Variants in NRXN1 observed in about 807,000 individuals in gnomAD.
NRXN1 encodes neurexin-1.
Under a neutral mutation model 150.9 loss-of-function variants are expected in NRXN1, and 39 were observed. The observed-to-expected ratio is 0.26, with a 90% confidence interval of 0.20 to 0.34. The LOEUF (loss-of-function observed/expected upper bound fraction) is 0.34. Among genes scored for constraint, NRXN1 ranks in the 10% least tolerant of loss-of-function variants. The pLI, the probability that NRXN1 is intolerant of heterozygous loss-of-function variation, is 1.00. For missense variants in NRXN1, 1,815 were observed against 1,949.9 expected (o/e 0.93, Z 1.30); for synonymous variants, 924 against 757.0 (o/e 1.22, Z -3.62).
At chr2:49,934,029 TC>T in intron 22 of NRXN1, among the ~76,000 whole-genome samples, 1 of 152,348 alleles carries the variant, frequency 6.6e-6, no homozygotes, top group South Asian at 2.1e-4. Context: ...TTTCTGTTTT[TC>T]TGTGAGACAT....
At chr2:50,255,695 GTCATTTTAAAAATTTTAAT>G (rs2067632141) in intron 17 of NRXN1, among the ~76,000 whole-genome samples, 1 of 152,026 alleles carries the variant, frequency 6.6e-6, no homozygotes, top group East Asian at 1.9e-4. Flanking sequence ...CAGTTCTAGG[GTCATTTTAAAAATTTTAAT>G]TCATTTTAAA....
chr2:50,862,238 G>T lies in NRXN1; in HGVS notation c.832+59631C>A, dbSNP rs141116129. Among the ~76,000 whole-genome samples the T allele has an allele frequency of 2.0e-5, 3 of 151,876 alleles. No homozygotes were observed. The East Asian group carries it at 5.9e-4, about 30-fold the overall frequency. On this transcript the variant is annotated intron_variant, in intron 5 of 22. Transcript: ENST00000401669. Reference sequence around the variant, plus strand: ...AAAAAAAATTCATGCTAGTATAGTAGGAATCAGTTGCAGAGTCAGGGAAGC... The same window carrying T: ...AAAAAAAATTCATGCTAGTATAGTATGAATCAGTTGCAGAGTCAGGGAAGC...
chr2:50,550,579 G>T (rs1253509677), intron 9 of NRXN1, among the ~76,000 whole-genome samples: 1 of 151,632 alleles, frequency 6.6e-6, no homozygotes, highest in Non-Finnish European at 1.5e-5. Context: ...GCTATCTCTG[G>T]CAGAGATAGG....
intron 2 of NRXN1, among the ~76,000 whole-genome samples, chr2:50,926,400 T>C (rs1686893592): frequency 6.6e-6 from 1 of 151,990 alleles, no homozygotes; most frequent in Non-Finnish European, 1.5e-5. Context: ...CTTAAAGATA[T>C]TCCAGTTCTA....
intron 21 of NRXN1, among the ~76,000 whole-genome samples, chr2:49,947,174 T>G (rs1439566691): frequency 2.0e-5 from 3 of 152,170 alleles, no homozygotes; most frequent in Non-Finnish European, 4.4e-5. Context: ...ATTCTCAATT[T>G]CAAATTAATT....
Position 50,941,065 on chromosome 2 carries a change from T to C in NRXN1, c.773-15110A>G, listed in dbSNP as rs536039255. ...TGCTGTTCTCATGATAGAATTCTTA[T>C]GGGATCTGGTTGTTGGATAAGTGTA... On this transcript the variant is annotated intron_variant, in intron 2 of 22. Coordinates refer to ENST00000401669, the MANE Select transcript of NRXN1 (RefSeq NM_001330078.2). Among the ~76,000 whole-genome samples the C allele has an allele frequency of 5.9e-5, 9 of 152,238 alleles. No homozygotes were observed. The South Asian group carries it at 6.2e-4, about 11-fold the overall frequency.
chr2:50,753,653 G>T, intron 5 of NRXN1, among the ~76,000 whole-genome samples: 1 of 151,838 alleles, frequency 6.6e-6, no homozygotes, highest in Middle Eastern at 3.4e-3. Context: ...GTTGATACAA[G>T]AAAAGATTAT....
intron 17 of NRXN1, among the ~76,000 whole-genome samples, chr2:50,260,772 C>T (rs1390864886): frequency 6.6e-6 from 1 of 150,862 alleles, no homozygotes; most frequent in Non-Finnish European, 1.5e-5. Context: ...AAGAACTAAA[C>T]CATAGCAGCT....
chr2:50,725,161 A>G (rs1697180768), intron 5 of NRXN1, among the ~76,000 whole-genome samples: 1 of 152,104 alleles, frequency 6.6e-6, no homozygotes, highest in Non-Finnish European at 1.5e-5. Context: ...GGTTTTCAAT[A>G]TTATCTCGAT....
chr2:50,077,985 T>C lies in NRXN1; in HGVS notation c.3718+13338A>G, dbSNP rs531591458. Among the ~76,000 whole-genome samples the C allele has an allele frequency of 1.2e-4, 18 of 152,230 alleles. No individual in the cohort carries two copies. In the South Asian group the frequency reaches 3.5e-3, roughly 30 times the overall value. ...AAACAGACTTTAAAATGTTTAAAAG[T>C]CTGTCTTTGAGAAATATTCTACCCA... On this transcript the variant is annotated intron_variant, in intron 19 of 22. Transcript: ENST00000401669.
chr2:50,695,375 A>G (rs1330266428), intron 5 of NRXN1, among the ~76,000 whole-genome samples: 1 of 152,202 alleles, frequency 6.6e-6, no homozygotes, highest in Non-Finnish European at 1.5e-5. Context: ...TATCAAGTTC[A>G]GATAAGGTGC....
intron 5 of NRXN1, among the ~76,000 whole-genome samples, chr2:50,647,211 C>G (rs549143257): frequency 2.4e-4 from 36 of 151,922 alleles, no homozygotes; most frequent in African/African-American, 8.7e-4. Context: ...CGGAAACTTA[C>G]AGATAGTAGG....
intron 17 of NRXN1, among the ~76,000 whole-genome samples, chr2:50,380,297 C>CGT (rs368834622): frequency 1.8e-3 from 256 of 144,266 alleles, no homozygotes; most frequent in Middle Eastern, 3.5e-3. Context: ...TGTGTGTGTG[C>CGT]GTGTGTGTGT....
At chr2:50,523,140 C>A (rs902860998) in intron 12 of NRXN1, among the ~76,000 whole-genome samples, 1 of 37,210 alleles carries the variant, frequency 2.7e-5, no homozygotes, top group Non-Finnish European at 5.6e-5. Flanking sequence ...ATTTTACATG[C>A]AATTTTTTTT....
intron 17 of NRXN1, among the ~76,000 whole-genome samples, chr2:50,306,314 A>G (rs78770938): frequency 0.087 from 13,209 of 152,214 alleles, 664 homozygotes; most frequent in Middle Eastern, 0.14. Flanking sequence ...TATTAAAGCA[A>G]TATTTACACT....
In NRXN1 at chr2:50,897,297, G is replaced by A. The variant is rs138625167; in HGVS notation, c.832+24572C>T. 4.5e-3 allele frequency among the ~76,000 whole-genome samples: 687 copies of A among 152,236 alleles called. 5 individuals carry two copies. Among genetic ancestry groups the A allele is most frequent in the African/African-American group, 0.015 (641 of 41,534 alleles). On this transcript the variant is annotated intron_variant, in intron 5 of 22. Transcript: ENST00000401669. ...GTACTGTGACTGGCATAGAGAAACC[G>A]CTCAATAAATTGTTTTCTCTGAACT...
intron 17 of NRXN1, among the ~76,000 whole-genome samples, chr2:50,429,166 CTCA>C (rs2084742849): frequency 6.6e-6 from 1 of 152,020 alleles, no homozygotes; most frequent in Non-Finnish European, 1.5e-5. Context: ...TTTCACAGCT[CTCA>C]TCGACTCCTA....
rs569443449 is a variant in NRXN1 at position 50,936,224 on chromosome 2, C to T, written c.773-10269G>A. ...ACCATGCTCTAACCAACTGAGCTAA[C>T]CGGCCGACTGGTCATCTGACATTTT... On this transcript the variant is annotated intron_variant, in intron 2 of 22. Coordinates refer to ENST00000401669, the MANE Select transcript of NRXN1 (RefSeq NM_001330078.2). Among the ~76,000 whole-genome samples, 5 of 152,288 alleles carry T rather than the reference C, an allele frequency of 3.3e-5. No individual in the cohort carries two copies. In the South Asian group the frequency reaches 1.0e-3, roughly 32 times the overall value.
At chr2:50,075,631 A>G (rs1696968068) in intron 19 of NRXN1, among the ~76,000 whole-genome samples, 2 of 152,206 alleles carry the variant, frequency 1.3e-5, no homozygotes. Flanking sequence ...AGGAGTAACT[A>G]TCAATAGTGC....
Sources: allele counts gnomAD v4.1 joint callset (sites outside exome capture counted in the v4.1 genomes callset), GRCh38; gene constraint gnomAD v4.1.1; transcripts MANE v1.5; gene names NCBI Gene and HGNC (gene_info 2026-07-23, HGNC 2026-07-21).